DCLK2: variants seen among roughly 807,000 people sequenced by gnomAD.
The protein encoded by DCLK2 is doublecortin like kinase 2, also known as serine/threonine-protein kinase DCLK2.
A neutral mutation model predicts 78.4 loss-of-function variants in DCLK2; 31 were observed. The observed-to-expected ratio is 0.40, with a 90% confidence interval of 0.30 to 0.53. The LOEUF is 0.53. DCLK2 is among the 20% of genes least tolerant of loss of function. DCLK2 has a pLI of 0.61. For missense variants in DCLK2, 872 were observed against 973.7 expected (o/e 0.90, Z 1.39); for synonymous variants, 407 against 374.9 (o/e 1.09, Z -0.99).
intron 2 of DCLK2, among the ~76,000 whole-genome samples, chr4:150,146,405 C>G (rs1178926871): frequency 1.3e-5 from 2 of 152,144 alleles, no homozygotes; most frequent in African/African-American, 4.8e-5. Context: ...GAAGGAAACA[C>G]TGGAGAAAAC....
intron 2 of DCLK2, among the ~76,000 whole-genome samples, chr4:150,114,436 C>T (rs1188686985): frequency 6.6e-6 from 1 of 151,984 alleles, no homozygotes; most frequent in Non-Finnish European, 1.5e-5. Context: ...GGTACTGTTC[C>T]AGTCGTCATG....
intron 1 of DCLK2, among the ~76,000 whole-genome samples, chr4:150,097,942 A>G (rs1265969784): frequency 6.6e-6 from 1 of 152,216 alleles, no homozygotes. Flanking sequence ...CCCTTTAGCC[A>G]AAGACCACTG....
chr4:150,241,954 T>C (rs1742958735), intron 12 of DCLK2, among the ~76,000 whole-genome samples: 1 of 152,230 alleles, frequency 6.6e-6, no homozygotes, highest in Non-Finnish European at 1.5e-5. Flanking sequence ...TGGGGAGACA[T>C]GAACATTTAG....
intron 2 of DCLK2, among the ~76,000 whole-genome samples, chr4:150,105,404 GT>G: frequency 6.6e-6 from 1 of 151,406 alleles, no homozygotes; most frequent in African/African-American, 2.4e-5. Context: ...AAAAAATGTT[GT>G]TTCACAAAAA....
chr4:150,232,897 A>G (rs1742193303), intron 10 of DCLK2, 69 bp downstream of exon 10: 5 of 1,555,530 alleles, frequency 3.2e-6, no homozygotes, highest in Non-Finnish European at 4.4e-6. Context: ...CATGCAAATA[A>G]TGGCATTTTA....
chr4:150,101,606 T>C (rs1025922324), intron 1 of DCLK2, among the ~76,000 whole-genome samples: 3 of 152,164 alleles, frequency 2.0e-5, no homozygotes, highest in Non-Finnish European at 2.9e-5. Flanking sequence ...CCTTGGGTGA[T>C]TCTGACTTTC....
intron 2 of DCLK2, among the ~76,000 whole-genome samples, chr4:150,141,547 C>CT (rs1416678089): frequency 6.6e-6 from 1 of 152,172 alleles, no homozygotes; most frequent in African/African-American, 2.4e-5. Context: ...GCATTGGACT[C>CT]TTACCATTTT....
intron 1 of DCLK2, among the ~76,000 whole-genome samples, chr4:150,090,648 G>T (rs1043746903): frequency 6.6e-6 from 1 of 152,102 alleles, no homozygotes; most frequent in Non-Finnish European, 1.5e-5. Flanking sequence ...TTTACATTTA[G>T]CTAATTTATT....
chr4:150,235,427 A>G (rs963880213), intron 10 of DCLK2, among the ~76,000 whole-genome samples: 24 of 152,198 alleles, frequency 1.6e-4, no homozygotes, highest in African/African-American at 5.5e-4. Flanking sequence ...GAGTCTCAGA[A>G]TGCAATCAGG....
intron 2 of DCLK2, among the ~76,000 whole-genome samples, chr4:150,132,162 C>G (rs980536297): frequency 6.6e-6 from 1 of 152,174 alleles, no homozygotes; most frequent in Non-Finnish European, 1.5e-5. Flanking sequence ...CTGCTATCCC[C>G]TCCTCTTCAC....
At chr4:150,086,516 T>A (rs899385302) in intron 1 of DCLK2, among the ~76,000 whole-genome samples, 2 of 122,034 alleles carry the variant, frequency 1.6e-5, no homozygotes, top group Admixed American at 1.6e-4. Flanking sequence ...ATTTTTTTTT[T>A]TTTTTTTTGA....
At chr4:150,194,852 G>A (rs936158544) in intron 3 of DCLK2, among the ~76,000 whole-genome samples, 2 of 151,896 alleles carry the variant, frequency 1.3e-5, no homozygotes, top group Non-Finnish European at 1.5e-5. Context: ...AAAATTTTGA[G>A]AGGATACATT....
At position 150,239,802 on chromosome 4, in the gene DCLK2, G is replaced by GT; in HGVS notation, c.1628dup (p.Val544GlyfsTer22). On this transcript the variant is annotated frameshift_variant, in exon 11 of 16. Transcript: ENST00000296550. LOFTEE classifies it high-confidence loss of function. ...ACTGGGAGACTTTGGGCTTGCGACTGTGGTAGAAGGCCCTTTATACACAGT... is the reference window on the plus strand; with the variant it reads ...ACTGGGAGACTTTGGGCTTGCGACTGTTGGTAGAAGGCCCTTTATACACAGT... 2 of 1,614,228 alleles carry GT rather than the reference G, an allele frequency of 1.2e-6. No individual in the cohort carries two copies. The highest frequency in any genetic ancestry group is 1.7e-6 in the Non-Finnish European group (2 of 1,180,040).
intron 2 of DCLK2, among the ~76,000 whole-genome samples, chr4:150,105,265 T>C (rs1281561618): frequency 1.3e-5 from 2 of 152,172 alleles, no homozygotes; most frequent in East Asian, 3.8e-4. Context: ...GAAAGATTTC[T>C]GGATGCCAAG....
intron 1 of DCLK2, among the ~76,000 whole-genome samples, chr4:150,079,763 G>A (rs1464965076): frequency 6.6e-6 from 1 of 152,216 alleles, no homozygotes; most frequent in Non-Finnish European, 1.5e-5. Flanking sequence ...TTGAGAAAAT[G>A]GTTCTCCCAT....
At chr4:150,166,228 A>T in intron 2 of DCLK2, among the ~76,000 whole-genome samples, 1 of 152,164 alleles carries the variant, frequency 6.6e-6, no homozygotes. Flanking sequence ...GGTAGCTCAC[A>T]CCTGTAATCC....
intron 2 of DCLK2, among the ~76,000 whole-genome samples, chr4:150,182,826 A>G (rs1237420867): frequency 6.6e-6 from 1 of 152,122 alleles, no homozygotes; most frequent in African/African-American, 2.4e-5. Context: ...TTCCTTTCTG[A>G]GTTCCTTCAA....
intron 2 of DCLK2, among the ~76,000 whole-genome samples, chr4:150,141,001 A>G (rs561412383): frequency 6.6e-6 from 1 of 152,348 alleles, no homozygotes; most frequent in South Asian, 2.1e-4. Flanking sequence ...TCCTTCAAAT[A>G]TGGAGATTCA....
At chr4:150,097,595 G>A (rs1322144653) in intron 1 of DCLK2, among the ~76,000 whole-genome samples, 2 of 152,214 alleles carry the variant, frequency 1.3e-5, no homozygotes, top group Admixed American at 6.5e-5. Flanking sequence ...TAAACACTGA[G>A]TCAACCTGCT....
Sources: gnomAD v4.1 joint callset for allele counts (sites outside exome capture counted in the v4.1 genomes callset) on GRCh38, gnomAD v4.1.1 for gene constraint, MANE v1.5 for transcripts, NCBI Gene and HGNC (gene_info 2026-07-23, HGNC 2026-07-21) for gene names.